GLYATL2: variants seen among roughly 807,000 people sequenced by gnomAD.
GLYATL2 encodes the protein glycine N-acyltransferase-like protein 2.
A neutral mutation model predicts 21.4 loss-of-function variants in GLYATL2; 25 were observed. That is an observed-to-expected ratio of 1.17 (90% CI 0.85 to 1.63). GLYATL2 has a LOEUF of 1.63. Ranked by LOEUF, GLYATL2 falls within the 40% of genes most tolerant of loss-of-function variation. The pLI is 0.00. For missense variants in GLYATL2, 361 were observed against 343.3 expected (o/e 1.05, Z -0.41); for synonymous variants, 114 against 118.2 (o/e 0.96, Z 0.23).
At position 58,900,427 on chromosome 11, in the gene GLYATL2, G is replaced by C. The variant is rs1854716464; in HGVS notation, n.60+3729C>G. On this transcript the variant is annotated intron_variant and non_coding_transcript_variant, in intron 1 of 4. Transcript: ENST00000533636. ...GGAAGGTGCGAAAGCAGGATGCCTGGCATTGAGAGACGCTTCACACCTGTT... is the reference window on the plus strand; with the variant it reads ...GGAAGGTGCGAAAGCAGGATGCCTGCCATTGAGAGACGCTTCACACCTGTT... 2.0e-5 allele frequency among the ~76,000 whole-genome samples: 3 copies of C among 152,158 alleles called. No homozygotes were observed. In the South Asian group the frequency reaches 6.2e-4, roughly 32 times the overall value.
intron 1 of GLYATL2, among the ~76,000 whole-genome samples, chr11:58,863,507 G>T (rs1853968965): frequency 6.6e-6 from 1 of 152,208 alleles, no homozygotes; most frequent in Non-Finnish European, 1.5e-5. Context: ...CCTGTATGCT[G>T]GGTTTGCTAG....
chr11:58,846,837 C>A (rs1274453610), upstream of GLYATL2, among the ~76,000 whole-genome samples: 1 of 152,130 alleles, frequency 6.6e-6, no homozygotes, highest in African/African-American at 2.4e-5. Context: ...GGACACTTGA[C>A]ATACTGAGAC....
intron 1 of GLYATL2, among the ~76,000 whole-genome samples, chr11:58,870,508 G>C (rs1355094536): frequency 6.6e-6 from 1 of 152,124 alleles, no homozygotes; most frequent in East Asian, 1.9e-4. Flanking sequence ...CTTTTAAAAG[G>C]AGCATTCTGG....
upstream of GLYATL2, chr11:58,905,665 C>G: frequency 2.2e-6 from 1 of 451,880 alleles, no homozygotes; most frequent in Non-Finnish European, 4.4e-6. Flanking sequence ...TATCCTGGTA[C>G]GCGGGAACTG....
At chr11:58,887,808 T>C (rs1487839046) in intron 1 of GLYATL2, among the ~76,000 whole-genome samples, 1 of 152,218 alleles carries the variant, frequency 6.6e-6, no homozygotes, top group Non-Finnish European at 1.5e-5. Context: ...AACATCCTTG[T>C]ATACATGTCT....
At chr11:58,862,060 C>CAA (rs76901271) in intron 1 of GLYATL2, among the ~76,000 whole-genome samples, 2,557 of 21,856 alleles carry the variant, frequency 0.12, 82 homozygotes, top group African/African-American at 0.18. Context: ...AACAAACAAA[C>CAA]AAAAAAAAAC....
chr11:58,895,753 C>G (rs1013415634), intron 1 of GLYATL2, among the ~76,000 whole-genome samples: 1 of 124,270 alleles, frequency 8.0e-6, no homozygotes, highest in East Asian at 2.3e-4. Context: ...AATCAAGCCT[C>G]AAGCATAGAT....
At chr11:58,855,403 G>A (rs555521437) in intron 1 of GLYATL2, among the ~76,000 whole-genome samples, 2 of 152,246 alleles carry the variant, frequency 1.3e-5, no homozygotes, top group South Asian at 2.1e-4. Flanking sequence ...TATATTTTTC[G>A]TGAGCATTAG....
In GLYATL2 at chr11:58,844,644, T is replaced by A. The variant is rs974042715; in HGVS notation, c.-251A>T. 6.6e-6 allele frequency: 1 copy of A among 152,338 alleles called. No individual in the cohort carries two copies. Among genetic ancestry groups the A allele is most frequent in the Non-Finnish European group, 1.5e-5 (1 of 68,028 alleles). 9.4% of individuals were successfully genotyped at this position (152,338 alleles called of 1,614,324 possible). A position where few individuals can be genotyped will look rare whatever the true frequency, so the allele number is the denominator to read the frequency against. On this transcript the variant is annotated 5_prime_UTR_variant, in exon 1 of 6. The change creates a new upstream start codon in the 5' untranslated region. Coordinates refer to ENST00000287275, the MANE Select transcript of GLYATL2 (RefSeq NM_145016.4). ...TGTCCATAGACAAGAAATCACAGGCTTTGTAGACCAGAGGAGGACTGAGAA... is the reference window on the plus strand; with the variant it reads ...TGTCCATAGACAAGAAATCACAGGCATTGTAGACCAGAGGAGGACTGAGAA...
chr11:58,901,274 T>C (rs901394785), intron 1 of GLYATL2, among the ~76,000 whole-genome samples: 2 of 152,130 alleles, frequency 1.3e-5, no homozygotes, highest in African/African-American at 2.4e-5. Flanking sequence ...CAAAACAGGA[T>C]CTCTACCGAT....
At chr11:58,863,628 T>C (rs1853971652) in intron 1 of GLYATL2, among the ~76,000 whole-genome samples, 1 of 152,050 alleles carries the variant, frequency 6.6e-6, no homozygotes, top group South Asian at 2.1e-4. Context: ...CCTGAGACCA[T>C]AGGTGGTAGA....
At chr11:58,845,869 A>G (rs1191448102), upstream of GLYATL2, among the ~76,000 whole-genome samples, 1 of 152,178 alleles carries the variant, frequency 6.6e-6, no homozygotes, top group Non-Finnish European at 1.5e-5. Flanking sequence ...ACAAACCTAA[A>G]TCATCTACTC....
upstream of GLYATL2, chr11:58,905,441 A>G (rs1483997630): frequency 6.6e-6 from 3 of 454,370 alleles, no homozygotes; most frequent in South Asian, 3.1e-5. Flanking sequence ...GCAGAAGGGC[A>G]GCAATGGCCA....
intron 1 of GLYATL2, chr11:58,878,362 A>G (rs1854275317): frequency 3.1e-6 from 2 of 654,312 alleles, no homozygotes; most frequent in Non-Finnish European, 4.4e-6. Context: ...TTGATCTCTC[A>G]GAGTGGCTGA....
chr11:58,839,661 A>G lies in GLYATL2; in HGVS notation c.-40-9T>C. On this transcript the variant is annotated splice_polypyrimidine_tract_variant and intron_variant, in intron 1 of 5. Coordinates refer to ENST00000287275, the MANE Select transcript of GLYATL2 (RefSeq NM_145016.4). ...TCCCTCAAGAAGATGATCTAAGGAA[A>G]TAAACACAAAAACAAAAATACCTAG... 1 of 1,409,920 alleles carries G rather than the reference A, an allele frequency of 7.1e-7. No homozygotes were observed. The highest frequency in any genetic ancestry group is 9.9e-7 in the Non-Finnish European group (1 of 1,012,386). 87.3% of individuals were successfully genotyped at this position (1,409,920 alleles called of 1,614,324 possible).
intron 1 of GLYATL2, among the ~76,000 whole-genome samples, chr11:58,898,859 C>T (rs957942274): frequency 6.6e-6 from 1 of 152,040 alleles, no homozygotes; most frequent in African/African-American, 2.4e-5. Flanking sequence ...AATTCTTTCT[C>T]CAATATTTCC....
rs560627161 is a variant in GLYATL2 at position 58,873,747 on chromosome 11, CT to C, written n.60+30408del. ...ATCAAGGATATTGGTCTAAAATTCT[CT>C]TTTTTTGTTGTGTCTCTGCCAGGCT... On this transcript the variant is annotated intron_variant and non_coding_transcript_variant, in intron 1 of 4. Transcript: ENST00000533636. 6.4e-3 allele frequency among the ~76,000 whole-genome samples: 979 copies of C among 152,170 alleles called. 10 individuals are homozygous for C. The highest frequency in any genetic ancestry group is 0.022 in the African/African-American group (896 of 41,526).
chr11:58,864,895 G>A (rs679551), intron 1 of GLYATL2, among the ~76,000 whole-genome samples: 1 of 148,436 alleles, frequency 6.7e-6, no homozygotes, highest in East Asian at 2.3e-4. Flanking sequence ...AGCATCAGAG[G>A]CAGTACTCCT....
At chr11:58,885,734 G>A (rs890120306) in intron 1 of GLYATL2, among the ~76,000 whole-genome samples, 1 of 152,146 alleles carries the variant, frequency 6.6e-6, no homozygotes, top group Non-Finnish European at 1.5e-5. Flanking sequence ...GACTCTTCTG[G>A]GAAAAGGGGT....
Sources: allele counts gnomAD v4.1 joint callset (sites outside exome capture counted in the v4.1 genomes callset), GRCh38; gene constraint gnomAD v4.1.1; transcripts MANE v1.5; gene names NCBI Gene and HGNC (gene_info 2026-07-23, HGNC 2026-07-21).